ANKRD6: variants seen among roughly 807,000 people sequenced by gnomAD.
ANKRD6 encodes the protein ankyrin repeat domain 6, also known as ankyrin repeat domain-containing protein 6.
A neutral mutation model predicts 82.3 loss-of-function variants in ANKRD6; 56 were observed. That is an observed-to-expected ratio of 0.68 (90% CI 0.55 to 0.85). The LOEUF (loss-of-function observed/expected upper bound fraction) is 0.85. Ranked by LOEUF, ANKRD6 falls within the 40% of genes least tolerant of loss-of-function variation. ANKRD6 has a pLI of 0.00. For synonymous variants in ANKRD6, 347 were observed against 352.1 expected, an observed-to-expected ratio of 0.99 and a Z score of 0.16; for missense variants, 852 against 907.6, an observed-to-expected ratio of 0.94 and a Z score of 0.79.
chr6:89,506,609 C>G (rs1779895091), intron 1 of ANKRD6, among the ~76,000 whole-genome samples: 1 of 152,196 alleles, frequency 6.6e-6, no homozygotes, highest in Non-Finnish European at 1.5e-5. Context: ...GCCACCACCC[C>G]CAGCCTAAAT....
intron 5 of ANKRD6, among the ~76,000 whole-genome samples, chr6:89,607,332 A>G (rs1281313934): frequency 7.5e-4 from 2 of 2,668 alleles, no homozygotes; most frequent in Non-Finnish European, 0.026. Flanking sequence ...AGCAGTAGTT[A>G]TATTTTTTTA....
At chr6:89,571,514 T>A (rs1789904108) in intron 2 of ANKRD6, among the ~76,000 whole-genome samples, 1 of 152,196 alleles carries the variant, frequency 6.6e-6, no homozygotes, top group Admixed American at 6.5e-5. Flanking sequence ...TTTTTTGGTG[T>A]TGAGTTGTAA....
At chr6:89,591,086 A>G (rs987055030) in intron 2 of ANKRD6, among the ~76,000 whole-genome samples, 2 of 152,048 alleles carry the variant, frequency 1.3e-5, no homozygotes, top group African/African-American at 2.4e-5. Context: ...TGATGCTTTA[A>G]AACTTCGTCC....
Position 89,566,967 on chromosome 6 carries a change from T to C in ANKRD6, c.-10T>C. The C allele has an allele frequency of 6.3e-7, 1 of 1,575,482 alleles. No homozygotes were observed. Among genetic ancestry groups the C allele is most frequent in the Non-Finnish European group, 8.6e-7 (1 of 1,159,380 alleles). On this transcript the variant is annotated 5_prime_UTR_variant, in exon 2 of 16. Coordinates refer to ENST00000339746, the MANE Select transcript of ANKRD6 (RefSeq NM_001242809.2). ...CTACCGCTTCCCTGAAAACCTTTCTTTCCTAATTCATGAGCCAGCAAGATG... is the reference window on the plus strand; with the variant it reads ...CTACCGCTTCCCTGAAAACCTTTCTCTCCTAATTCATGAGCCAGCAAGATG...
chr6:89,551,995 T>C (rs1785916125), intron 1 of ANKRD6, among the ~76,000 whole-genome samples: 1 of 152,230 alleles, frequency 6.6e-6, no homozygotes, highest in African/African-American at 2.4e-5. Flanking sequence ...TTTTAAATAA[T>C]TCATAATGAT....
At chr6:89,505,808 C>T (rs895103554) in intron 1 of ANKRD6, among the ~76,000 whole-genome samples, 2 of 152,206 alleles carry the variant, frequency 1.3e-5, no homozygotes, top group African/African-American at 4.8e-5. Flanking sequence ...TGCAGCATTA[C>T]TTAAAATAGC....
At chr6:89,589,442 C>A (rs992995426) in intron 2 of ANKRD6, among the ~76,000 whole-genome samples, 16 of 152,176 alleles carry the variant, frequency 1.1e-4, no homozygotes, top group Non-Finnish European at 2.2e-4. Context: ...CAGTCTGACA[C>A]CTGCTGGGAA....
intron 1 of ANKRD6, among the ~76,000 whole-genome samples, chr6:89,498,600 G>A (rs1778917001): frequency 6.6e-6 from 1 of 152,074 alleles, no homozygotes; most frequent in Non-Finnish European, 1.5e-5. Context: ...GGTAGAGAGA[G>A]ATGTGTTATA....
rs759227387 is a variant in ANKRD6 at position 89,630,927 on chromosome 6, G to C, written c.2107G>C (p.Ala703Pro). The stretch of plus-strand genomic sequence containing the variant: ...CAATCAGAAAGCCCAGCAAGATAAG[G>C]CTACATTGAAGGAACACATTAAAAG... ...QANQKAQQDK[A>P]TLKEHIKSLE... Residue 703 changes from alanine (A) to proline (P), a missense_variant, in exon 16 of 16, where the codon GCT becomes CCT. Physicochemically the swap from Ala to Pro is conservative, Grantham distance 27. Transcript: ENST00000339746. The C allele has an allele frequency of 3.7e-6, 6 of 1,609,562 alleles. No individual in the cohort carries two copies. The highest frequency in any genetic ancestry group is 5.1e-6 in the Non-Finnish European group (6 of 1,177,880).
At chr6:89,614,698 G>A (rs1297046268) in intron 7 of ANKRD6, among the ~76,000 whole-genome samples, 6 of 152,052 alleles carry the variant, frequency 3.9e-5, no homozygotes, top group Non-Finnish European at 5.9e-5. Flanking sequence ...AGAGTGGCAT[G>A]TGCCTGTAGT....
intron 1 of ANKRD6, among the ~76,000 whole-genome samples, chr6:89,489,766 A>G (rs1457294453): frequency 1.3e-5 from 2 of 152,252 alleles, no homozygotes; most frequent in Non-Finnish European, 2.9e-5. Context: ...AGGAGGCCGC[A>G]GGGCAGGCTT....
chr6:89,582,532 C>T (rs937561321), intron 2 of ANKRD6, among the ~76,000 whole-genome samples: 1 of 152,310 alleles, frequency 6.6e-6, no homozygotes, highest in Admixed American at 6.5e-5. Flanking sequence ...GTGGCATTAA[C>T]TGCAGTCAAC....
At chr6:89,533,649 T>C (rs1783461654) in intron 1 of ANKRD6, among the ~76,000 whole-genome samples, 1 of 152,110 alleles carries the variant, frequency 6.6e-6, no homozygotes, top group African/African-American at 2.4e-5. Context: ...CTCTGCTTAC[T>C]GAAGGTACTC....
At chr6:89,591,800 C>A (rs1175790654) in intron 2 of ANKRD6, among the ~76,000 whole-genome samples, 1 of 152,208 alleles carries the variant, frequency 6.6e-6, no homozygotes, top group African/African-American at 2.4e-5. Context: ...ACAGCTTCAG[C>A]TTCTATAGGA....
At chr6:89,477,008 A>G (rs1776114769) in intron 1 of ANKRD6, among the ~76,000 whole-genome samples, 1 of 152,146 alleles carries the variant, frequency 6.6e-6, no homozygotes, top group African/African-American at 2.4e-5. Context: ...GCAGTGGCAC[A>G]ATCTTGGCCC....
intron 2 of ANKRD6, among the ~76,000 whole-genome samples, chr6:89,569,493 TTGA>T (rs1789303108): frequency 6.6e-6 from 1 of 152,228 alleles, no homozygotes. Context: ...TCTTTATCAG[TTGA>T]TGGACATTTG....
chr6:89,580,904 C>G (rs1190222988), intron 2 of ANKRD6, among the ~76,000 whole-genome samples: 1 of 152,160 alleles, frequency 6.6e-6, no homozygotes, highest in African/African-American at 2.4e-5. Flanking sequence ...AAAGTTTTCA[C>G]TTGGGAGAAT....
At chr6:89,521,073 TA>T (rs918200308) in intron 1 of ANKRD6, among the ~76,000 whole-genome samples, 1 of 152,168 alleles carries the variant, frequency 6.6e-6, no homozygotes, top group African/African-American at 2.4e-5. Context: ...TGTTGAGAAA[TA>T]GAGATTTTAT....
At chr6:89,576,942 T>C (rs554549908) in intron 2 of ANKRD6, among the ~76,000 whole-genome samples, 99 of 152,182 alleles carry the variant, frequency 6.5e-4, no homozygotes, top group Non-Finnish European at 1.2e-3. Context: ...TTTTTTATTT[T>C]TTTTTGAGAC....
Sources: allele counts gnomAD v4.1 joint callset (sites outside exome capture counted in the v4.1 genomes callset), GRCh38; gene constraint gnomAD v4.1.1; transcripts MANE v1.5; gene names NCBI Gene and HGNC (gene_info 2026-07-23, HGNC 2026-07-21).